The following DISP1 variants were observed in gnomAD, a reference collection of about 807,000 sequenced individuals.
DISP1 encodes dispatched RND transporter family member 1.
A neutral mutation model predicts 37.3 loss-of-function variants in DISP1; 30 were observed. The ratio of observed to expected loss-of-function variants is 0.80; its 90% CI spans 0.60 to 1.09. DISP1 has a LOEUF of 1.09. DISP1 is among the 50% of genes least tolerant of loss of function. DISP1 has a pLI of 0.00. For missense variants in DISP1, 1,598 were observed against 1,879.5 expected (o/e 0.85, Z 2.77); for synonymous variants, 634 against 690.2 (o/e 0.92, Z 1.28).
At chr1:222,989,363 A>T in intron 4 of DISP1, 1 of 985,400 alleles carries the variant, frequency 1.0e-6, no homozygotes, top group Non-Finnish European at 1.2e-6. Context: ...AAGATTCAAG[A>T]AGCCAGAAGT....
At position 222,850,777 on chromosome 1, in the gene DISP1, C is replaced by CT. The variant is rs368229081; in HGVS notation, c.-159+35705dup. ...TTCCCTCAAAAGACATGATCTCATT[C>CT]TTTTTTATGGCTGCATAATAAATGT... On this transcript the variant is annotated intron_variant, in intron 1 of 8. Transcript: ENST00000675850. 5.8e-3 allele frequency among the ~76,000 whole-genome samples: 879 copies of CT among 152,254 alleles called. 14 individuals carry two copies. Among genetic ancestry groups the CT allele is most frequent in the African/African-American group, 0.02 (819 of 41,552 alleles).
At chr1:222,960,362 T>G (rs1362304113) in intron 3 of DISP1, among the ~76,000 whole-genome samples, 1 of 152,182 alleles carries the variant, frequency 6.6e-6, no homozygotes, top group African/African-American at 2.4e-5. Context: ...AACCTGCTCC[T>G]GATTGACTCC....
At chr1:222,853,008 G>C (rs1668354522) in intron 1 of DISP1, among the ~76,000 whole-genome samples, 1 of 152,208 alleles carries the variant, frequency 6.6e-6, no homozygotes, top group African/African-American at 2.4e-5. Flanking sequence ...GTGCAATGAA[G>C]AATGGGGTCT....
chr1:222,839,237 GTGTGAACTCTAT>G (rs1397648198), intron 1 of DISP1, among the ~76,000 whole-genome samples: 1 of 152,176 alleles, frequency 6.6e-6, no homozygotes. Context: ...TCTCATAGGA[GTGTGAACTCTAT>G]TGTGAACTGT....
At chr1:222,984,435 T>TATATAGAGAGAGAGAGAG (rs67660273) in intron 4 of DISP1, among the ~76,000 whole-genome samples, 2 of 108,398 alleles carry the variant, frequency 1.8e-5, no homozygotes, top group East Asian at 5.2e-4. Flanking sequence ...TATATATATA[T>TATATAGAGAGAGAGAGAG]AGAGAGAGAG....
chr1:222,823,102 A>C (rs34804073), intron 1 of DISP1, among the ~76,000 whole-genome samples: 17,145 of 152,214 alleles, frequency 0.11, 1,271 homozygotes, highest in South Asian at 0.16. Context: ...AGTACAAATT[A>C]TTTGGAAGAC....
At chr1:222,989,432 C>T (rs1441680624) in intron 4 of DISP1, 24 of 985,390 alleles carry the variant, frequency 2.4e-5, no homozygotes, top group Non-Finnish European at 2.9e-5. Context: ...CTGTTGGGTA[C>T]TCAGCTCATA....
rs866606083 is a variant in DISP1 at position 222,931,113 on chromosome 1, G to A, written c.-18+2543G>A. On this transcript the variant is annotated intron_variant, in intron 2 of 8. Transcript: ENST00000675850. The stretch of plus-strand genomic sequence containing the variant: ...GTGGGAAAAGTTTAGATAATTCTAA[G>A]TGTGGTATTAAAAAACAACACACTA... 7.2e-4 allele frequency among the ~76,000 whole-genome samples: 110 copies of A among 152,132 alleles called. 1 individual carries two copies. Among genetic ancestry groups the A allele is most frequent in the African/African-American group, 2.6e-3 (107 of 41,554 alleles).
intron 2 of DISP1, among the ~76,000 whole-genome samples, chr1:222,940,147 A>G (rs937590776): frequency 1.3e-5 from 2 of 151,894 alleles, no homozygotes; most frequent in African/African-American, 2.4e-5. Flanking sequence ...GAAAAGAAAA[A>G]AAAATAACCT....
At position 222,943,116 on chromosome 1, in the gene DISP1, A is replaced by G. The variant is rs1435894311; in HGVS notation, c.293A>G (p.Gln98Arg). ...CCTTTGACTAGCCATAGCAGTCACC[A>G]AGAGTGCCATCCCGAGGCTGGCCCT... ...HHPLTSHSSH[Q>R]ECHPEAGPAA... The change falls in exon 3 of 9, where the codon CAA becomes CGA. Residue 98 changes from glutamine to arginine, a missense_variant. By Grantham distance (43) the Gln-to-Arg change is conservative. Transcript: ENST00000675850. 1.9e-6 allele frequency: 3 copies of G among 1,613,998 alleles called. No homozygotes were observed. The highest frequency in any genetic ancestry group is 2.5e-6 in the Non-Finnish European group (3 of 1,179,866).
At chr1:222,971,728 A>G (rs895598111) in intron 3 of DISP1, among the ~76,000 whole-genome samples, 1 of 152,130 alleles carries the variant, frequency 6.6e-6, no homozygotes, top group Non-Finnish European at 1.5e-5. Flanking sequence ...CAAATTTGAG[A>G]TGGGATCTTA....
rs151331765 is a variant in DISP1 at position 222,931,400 on chromosome 1, C to T, written c.-18+2830C>T. Among the ~76,000 whole-genome samples the T allele has an allele frequency of 1.6e-3, 245 of 151,680 alleles. 1 individual carries two copies. Among genetic ancestry groups the T allele is most frequent in the African/African-American group, 5.6e-3 (233 of 41,394 alleles). On this transcript the variant is annotated intron_variant, in intron 2 of 8. Coordinates refer to ENST00000675850, the MANE Select transcript of DISP1 (RefSeq NM_001377229.1). ...TGATGTGTTCAACATTTGTTAAGCT[C>T]GGTAATATGATCCTGTTTCTACTGG... is the stretch of plus-strand genomic sequence containing the variant.
Position 223,004,005 on chromosome 1 carries a change from C to T in DISP1, c.2608C>T (p.Leu870=), listed in dbSNP as rs747749201. The change falls in exon 9 of 9, where the codon CTG becomes TTG. Residue 870 remains leucine, a synonymous_variant. Transcript: ENST00000675850. The surrounding 1 kb of genome is among the most constrained non-coding windows in gnomAD (Gnocchi z 4.9). ...MENQDCDEPA[L]YPCCSHWSFP... ...AAACCAGGACTGTGATGAGCCTGCC[C>T]TGTACCCATGCTGCAGCCACTGGAG... 1 of 1,614,170 alleles carries T rather than the reference C, an allele frequency of 6.2e-7. No individual in the cohort carries two copies. Among genetic ancestry groups the T allele is most frequent in the Non-Finnish European group, 8.5e-7 (1 of 1,180,038 alleles).
intron 3 of DISP1, among the ~76,000 whole-genome samples, chr1:222,966,790 C>G (rs1471081399): frequency 1.3e-5 from 2 of 152,096 alleles, no homozygotes; most frequent in African/African-American, 2.4e-5. Flanking sequence ...TACACTTTAA[C>G]TTAGTGCCTT....
chr1:222,942,870 G>T lies in DISP1; in HGVS notation c.47G>T (p.Ser16Ile), dbSNP rs1272203931. 6.2e-7 allele frequency: 1 copy of T among 1,614,040 alleles called. No individual in the cohort carries two copies. Among genetic ancestry groups the T allele is most frequent in the East Asian group, 2.2e-5 (1 of 44,896 alleles). The change falls in exon 3 of 9, where the codon AGC becomes ATC. Residue 16 changes from serine (S) to isoleucine (I), a missense_variant. By Grantham distance (142) the Ser-to-Ile change is moderately radical. Transcript: ENST00000675850. ...GNNDFVVLSN[S>I]SIATSAANPS... ...AATGATTTTGTGGTTCTGAGCAACA[G>T]CAGCATCGCAACCAGTGCTGCTAAC...
intron 1 of DISP1, among the ~76,000 whole-genome samples, chr1:222,831,655 A>G (rs1665778024): frequency 6.6e-6 from 1 of 152,220 alleles, no homozygotes. Context: ...AGAAAACTTT[A>G]TACATAATGA....
intron 2 of DISP1, among the ~76,000 whole-genome samples, chr1:222,929,183 G>A (rs945148562): frequency 6.6e-6 from 1 of 152,066 alleles, no homozygotes; most frequent in African/African-American, 2.4e-5. Flanking sequence ...TTGTTTAAAT[G>A]TTTCATGCAT....
At chr1:222,869,857 T>A (rs1050453752) in intron 1 of DISP1, among the ~76,000 whole-genome samples, 6 of 152,150 alleles carry the variant, frequency 3.9e-5, no homozygotes, top group Non-Finnish European at 7.4e-5. Flanking sequence ...GTTACATATG[T>A]ATACATGTGA....
chr1:222,828,313 C>T (rs573307594), intron 1 of DISP1, among the ~76,000 whole-genome samples: 1 of 152,036 alleles, frequency 6.6e-6, no homozygotes, highest in East Asian at 1.9e-4. Context: ...TGGAAGTTTT[C>T]TGTTCTATTT....
Sources: allele counts gnomAD v4.1 joint callset (sites outside exome capture counted in the v4.1 genomes callset), GRCh38; gene constraint gnomAD v4.1.1; non-coding constraint Gnocchi (gnomAD v3.1); transcripts MANE v1.5; gene names NCBI Gene and HGNC (gene_info 2026-07-23, HGNC 2026-07-21).